POLE: variants seen among roughly 807,000 people sequenced by gnomAD.
The protein encoded by POLE is DNA polymerase epsilon catalytic subunit A.
Under a neutral mutation model 279.2 loss-of-function variants are expected in POLE, and 188 were observed. That is an observed-to-expected ratio of 0.67 (90% CI 0.60 to 0.76). The LOEUF is 0.76. POLE is among the 30% of genes least tolerant of loss of function. The probability of loss-of-function intolerance (pLI) is 0.00; values close to 1 mark genes in which losing one functional copy is unlikely to be tolerated. For missense variants in POLE, 2,703 were observed against 3,016.7 expected, an observed-to-expected ratio of 0.90 and a Z score of 2.44; for synonymous variants, 1,214 against 1,172.5, an observed-to-expected ratio of 1.04 and a Z score of -0.72.
chr12:132,658,002 A>G, intron 26 of POLE, 32 bp from the exon 27 acceptor site: 2 of 1,399,764 alleles, frequency 1.4e-6, no homozygotes, highest in South Asian at 2.3e-5. Flanking sequence ...ACAGCTCAGT[A>G]ACAGTGAAAA....
intron 35 of POLE, 80 bp downstream of exon 35, chr12:132,643,144 G>T: frequency 6.6e-7 from 1 of 1,510,362 alleles, no homozygotes; most frequent in Non-Finnish European, 9.1e-7. Flanking sequence ...GACCTGGAGG[G>T]CCTGGGCACC....
At chr12:132,676,263 T>C in intron 9 of POLE, 59 bp from the exon 10 acceptor site, 1 of 1,139,976 alleles carries the variant, frequency 8.8e-7, no homozygotes, top group South Asian at 1.2e-5. Context: ...AGAAATGGCG[T>C]TCCCACCCTG....
In POLE at chr12:132,661,065, C is replaced by T. The variant is rs200080353; in HGVS notation, c.2964G>A (p.Ser988=). 7.4e-6 allele frequency: 12 copies of T among 1,614,038 alleles called. No homozygotes were observed. The highest frequency in any genetic ancestry group is 5.0e-5 in the Admixed American group (3 of 60,008). ...ELQLIKIFQS[S]VFEAFLKGST... is the part of the protein sequence containing the mutation. ...TGCCCTTGAGGAAGGCCTCAAACAC[C>T]GAGGATTGGAAGATCTTAATCAGCT... The change falls in exon 25 of 49, where the codon TCG becomes TCA. Residue 988 remains serine (S), a synonymous_variant. Transcript: ENST00000320574. The surrounding 1 kb of genome is among the most constrained non-coding windows in gnomAD (Gnocchi z 4.1).
chr12:132,671,065 G>A (rs541570065), intron 16 of POLE, among the ~76,000 whole-genome samples: 1 of 150,640 alleles, frequency 6.6e-6, no homozygotes, highest in East Asian at 2.0e-4. Context: ...GAGTTCGAAA[G>A]CAGCCTGGCC....
In POLE at chr12:132,668,049, T is replaced by C. The variant is rs1012333215; in HGVS notation, c.2173+307A>G. ...AGTGAGCCAAGATCACACCACTGCA[T>C]TCCAGCCTGGGTGACAGAGTGAGAC... On this transcript the variant is annotated intron_variant, in intron 19 of 48. Coordinates refer to ENST00000320574, the MANE Select transcript of POLE (RefSeq NM_006231.4). This position sits in a 1 kb window ranked among gnomAD's most constrained non-coding sequence, Gnocchi z 4.0. Among the ~76,000 whole-genome samples, 1 of 151,444 alleles carries C rather than the reference T, an allele frequency of 6.6e-6. No individual in the cohort carries two copies. Among genetic ancestry groups the C allele is most frequent in the Non-Finnish European group, 1.5e-5 (1 of 67,914 alleles).
rs2136035169 is a variant in POLE at position 132,681,294 on chromosome 12, G to A, written c.63-15C>T. On this transcript the variant is annotated splice_polypyrimidine_tract_variant and intron_variant, in intron 1 of 48. Coordinates refer to ENST00000320574, the MANE Select transcript of POLE (RefSeq NM_006231.4). ...CGCCATCATCCCTGAGTGAAAGAAG[G>A]GAACCCCGTGCTTAATTTGTAATGC... 6.2e-7 allele frequency: 1 copy of A among 1,610,672 alleles called. No homozygotes were observed. The highest frequency in any genetic ancestry group is 8.5e-7 in the Non-Finnish European group (1 of 1,178,636).
Position 132,675,440 on chromosome 12 carries a change from C to T in POLE, c.1184G>A (p.Gly395Glu), listed in dbSNP as rs546499094. The T allele has an allele frequency of 3.5e-5, 56 of 1,614,196 alleles. No individual in the cohort carries two copies. The African/African-American group carries it at 6.0e-4, about 17-fold the overall frequency. The change falls in exon 12 of 49, where the codon GGG becomes GAG. Residue 395 changes from glycine (G) to glutamate (E), a missense_variant. Coordinates refer to ENST00000320574, the MANE Select transcript of POLE (RefSeq NM_006231.4). This position sits in a 1 kb window ranked among gnomAD's most constrained non-coding sequence, Gnocchi z 4.3. ...GATGCACTGGGGCGCCTTGTACTCC[C>T]CCTGGCTGTCCTTCTGGAAGCCTAT... ...QEIGFQKDSQ[G>E]EYKAPQCIHM...
rs1565979631 is a variant in POLE at position 132,679,496 on chromosome 12, C to T, written c.578+1G>A. 6.3e-7 allele frequency: 1 copy of T among 1,596,746 alleles called. No individual in the cohort carries two copies. The highest frequency in any genetic ancestry group is 8.6e-7 in the Non-Finnish European group (1 of 1,165,810). ...GCTTTGCTCACAAGACCAAAGTTTA[C>T]CTGGAAAGCAGAGCTGTGTACGCGT... On this transcript the variant is annotated splice_donor_variant, in intron 6 of 48. Transcript: ENST00000320574. LOFTEE classifies it high-confidence loss of function.
At chr12:132,644,997 A>G (rs5744919) in intron 32 of POLE, among the ~76,000 whole-genome samples, 1 of 28,840 alleles carries the variant, frequency 3.5e-5, no homozygotes. Context: ...AGCTTCGTGA[A>G]TGGGGTCCTG....
At position 132,632,781 on chromosome 12, in the gene POLE, C is replaced by T. The variant is rs748106601; in HGVS notation, c.6019G>A (p.Val2007Met). ...LMIVSAYIVA[V>M]YHCMKDGLRR... is the part of the protein sequence containing the mutation. ...AGCCCGTCCTTCATGCAGTGGTACACGGCCACGATGTACGCTGTGGAGAGG... is the reference window on the plus strand; with the variant it reads ...AGCCCGTCCTTCATGCAGTGGTACATGGCCACGATGTACGCTGTGGAGAGG... Residue 2007 changes from valine (V) to methionine (M), a missense_variant, in exon 44 of 49, where the codon GTG (valine) becomes ATG (methionine). By Grantham distance (21) the Val-to-Met change is conservative. Coordinates refer to ENST00000320574, the MANE Select transcript of POLE (RefSeq NM_006231.4). The T allele has an allele frequency of 5.0e-6, 8 of 1,609,014 alleles. No individual in the cohort carries two copies. The highest frequency in any genetic ancestry group is 3.4e-6 in the Non-Finnish European group (4 of 1,179,574).
chr12:132,659,793 G>C (rs2042638744), intron 25 of POLE: 1 of 357,796 alleles, frequency 2.8e-6, no homozygotes, highest in African/African-American at 2.1e-5. Context: ...CTGGGTTCAA[G>C]AGATTCTCGT....
intron 15 of POLE, 21 bp from the exon 16 acceptor site, chr12:132,672,343 C>T (rs377291098): frequency 2.9e-5 from 46 of 1,595,086 alleles, no homozygotes; most frequent in Middle Eastern, 1.7e-4. Context: ...AGTGAGACGA[C>T]GGGGTCAGAG....
intron 1 of POLE, 62 bp from the exon 2 acceptor site, chr12:132,681,341 TTC>T (rs1281743771): frequency 1.3e-6 from 2 of 1,530,556 alleles, no homozygotes; most frequent in Non-Finnish European, 1.8e-6. Flanking sequence ...GCTTCTTTTT[TTC>T]TTTTTTTTCT....
intron 39 of POLE, among the ~76,000 whole-genome samples, chr12:132,640,062 G>C (rs545843183): frequency 2.3e-4 from 35 of 152,340 alleles, no homozygotes; most frequent in Non-Finnish European, 3.2e-4. Context: ...CTCCCGCCTA[G>C]CAGGCTGGGC....
At chr12:132,657,491 C>T in intron 27 of POLE, 62 bp from the exon 28 acceptor site, 1 of 1,374,446 alleles carries the variant, frequency 7.3e-7, no homozygotes, top group South Asian at 1.2e-5. Context: ...GTGGGGCTCA[C>T]TTCATGCTGA....
chr12:132,663,852 C>T, intron 23 of POLE, 152 bp downstream of exon 23: 1 of 737,130 alleles, frequency 1.4e-6, no homozygotes, highest in Non-Finnish European at 2.2e-6. Context: ...CACTTGATAC[C>T]TCTGACCATG....
At chr12:132,687,012 G>A (rs890644851) in intron 1 of POLE, among the ~76,000 whole-genome samples, 9 of 151,466 alleles carry the variant, frequency 5.9e-5, no homozygotes, top group Non-Finnish European at 1.0e-4. Flanking sequence ...AAAGAGCCGA[G>A]CAGGGAAAGG....
chr12:132,663,954 C>A (rs769574671), intron 23 of POLE, 50 bp downstream of exon 23: 3 of 1,606,212 alleles, frequency 1.9e-6, no homozygotes, highest in Admixed American at 1.7e-5. Flanking sequence ...GACATCAGGG[C>A]ACTGACGCCA....
intron 40 of POLE, chr12:132,638,538 A>G (rs1158266332): frequency 5.9e-6 from 1 of 168,794 alleles, no homozygotes. Flanking sequence ...TTATCCCAGC[A>G]GTTGGGTAAT....
Sources: allele counts gnomAD v4.1 joint callset (sites outside exome capture counted in the v4.1 genomes callset), GRCh38; gene constraint gnomAD v4.1.1; non-coding constraint Gnocchi (gnomAD v3.1); transcripts MANE v1.5; gene names NCBI Gene and HGNC (gene_info 2026-07-23, HGNC 2026-07-21).